ADGRG2: variants seen among roughly 807,000 people sequenced by gnomAD.
ADGRG2 encodes the protein adhesion G protein-coupled receptor G2, also known as G protein-coupled receptor 64.
Under a neutral mutation model 74.1 loss-of-function variants are expected in ADGRG2, and 26 were observed. The ratio of observed to expected loss-of-function variants is 0.35; its 90% CI spans 0.26 to 0.49. The LOEUF (loss-of-function observed/expected upper bound fraction) is 0.49. Among genes scored for constraint, ADGRG2 ranks in the 20% least tolerant of loss-of-function variants. The probability of loss-of-function intolerance (pLI) is 0.99; values close to 1 mark genes in which losing one functional copy is unlikely to be tolerated. For missense variants in ADGRG2, 619 were observed against 763.1 expected, an observed-to-expected ratio of 0.81 and a Z score of 2.22; for synonymous variants, 296 against 295.2, an observed-to-expected ratio of 1.00 and a Z score of -0.03.
At chrX:19,026,641 G>A (rs1030337721) in intron 11 of ADGRG2, among the ~76,000 whole-genome samples, 3 of 110,239 alleles carry the variant, frequency 2.7e-5, no homozygotes, top group Non-Finnish European at 1.9e-5. Flanking sequence ...GATTACAGGC[G>A]CCCACCACCA....
At chrX:19,086,406 G>A (rs1292527715) in intron 1 of ADGRG2, among the ~76,000 whole-genome samples, 1 of 111,467 alleles carries the variant, frequency 9.0e-6, no homozygotes, top group African/African-American at 3.3e-5. Context: ...ATGACATCAG[G>A]GAGGCTGGGA....
At chrX:19,089,928 T>A (rs1205674316) in intron 1 of ADGRG2, among the ~76,000 whole-genome samples, 1 of 112,355 alleles carries the variant, frequency 8.9e-6, no homozygotes, top group Non-Finnish European at 1.9e-5. Flanking sequence ...TGGGCTGTTT[T>A]GTTATGTGGA....
At position 19,101,101 on chromosome X, in the gene ADGRG2, T is replaced by TTGTGTGTGTGTGTG. The variant is rs10579733; in HGVS notation, c.-46-18369_-46-18356dup. Among the ~76,000 whole-genome samples the TTGTGTGTGTGTGTG allele has an allele frequency of 3.8e-4, 34 of 89,846 alleles. 1 individual carries two copies. Among genetic ancestry groups the TTGTGTGTGTGTGTG allele is most frequent in the African/African-American group, 1.4e-3 (33 of 24,428 alleles). 78.0% of individuals were successfully genotyped at this position (89,846 alleles called of 115,157 possible). ...TGTTTCAAATCAACTAATCATGAGA[T>TTGTGTGTGTGTGTG]TGTGTGTGTGTGTGTGTGTGTGTGT... On this transcript the variant is annotated intron_variant, in intron 1 of 28. Transcript: ENST00000379869.
intron 1 of ADGRG2, among the ~76,000 whole-genome samples, chrX:19,114,424 G>A (rs972478815): frequency 2.7e-5 from 3 of 111,570 alleles, no homozygotes; most frequent in African/African-American, 6.5e-5. Context: ...GGTTTATTAA[G>A]GTCAGGAACA....
intron 3 of ADGRG2, 86 bp downstream of exon 3, chrX:19,068,631 C>A: frequency 1.8e-5 from 8 of 441,887 alleles, no homozygotes; most frequent in Non-Finnish European, 2.7e-5. Context: ...GTTATTTTAC[C>A]ACAGTAAAAA....
chrX:19,060,444 C>T (rs1178714709), intron 3 of ADGRG2, among the ~76,000 whole-genome samples: 1 of 110,995 alleles, frequency 9.0e-6, no homozygotes, highest in Non-Finnish European at 1.9e-5. Flanking sequence ...GTTCTCGGTT[C>T]TGCTAGCATC....
chrX:19,019,649 A>G lies in ADGRG2; in HGVS notation c.660T>C (p.Ser220=). The G allele has an allele frequency of 8.6e-7, 1 of 1,168,208 alleles. No individual in the cohort carries two copies. The highest frequency in any genetic ancestry group is 1.2e-6 in the Non-Finnish European group (1 of 856,979). ...KIRPMEHCCC[S]VRIPCPSSPE... ...GGGAGGAAGGGCAGGGTATCCTGAC[A>G]GAACAGCAGCAGTGTTCTAGGAGAG... Residue 220 remains serine, a synonymous_variant, in exon 15 of 29, where the codon TCT becomes TCC. Coordinates refer to ENST00000379869, the MANE Select transcript of ADGRG2 (RefSeq NM_001079858.3).
chrX:19,010,633 C>T lies in ADGRG2; in HGVS notation c.1245G>A (p.Met415Ile), dbSNP rs148040575. ...VSRLLHSPPDMLAPLAQRLLK... is the reference protein window; with the variant it reads ...VSRLLHSPPDILAPLAQRLLK... ...CGTACCTTTGAGCCAGAGGGGCCAG[C>T]ATGTCAGGCGGGGAATGAAGGAGTC... Residue 415 changes from methionine to isoleucine, a missense_variant, in exon 17 of 29, where the codon ATG (methionine) becomes ATA (isoleucine). Transcript: ENST00000379869. 1.6e-4 allele frequency: 192 copies of T among 1,205,589 alleles called. No individual in the cohort carries two copies. In the African/African-American group the frequency reaches 3.1e-3, roughly 20 times the overall value.
intron 1 of ADGRG2, among the ~76,000 whole-genome samples, chrX:19,101,682 T>C (rs1429190450): frequency 1.9e-5 from 2 of 108,044 alleles, no homozygotes; most frequent in South Asian, 4.1e-4. Context: ...GCCTGGGCCA[T>C]AGAGTGAGAC....
chrX:19,060,106 T>C (rs1320801076), intron 3 of ADGRG2, among the ~76,000 whole-genome samples: 1 of 111,767 alleles, frequency 8.9e-6, no homozygotes, highest in East Asian at 2.8e-4. Flanking sequence ...CACTCCAGCC[T>C]GGACAACACA....
chrX:19,015,490 C>CCTT (rs2060448920), intron 15 of ADGRG2, among the ~76,000 whole-genome samples: 1 of 112,652 alleles, frequency 8.9e-6, no homozygotes, highest in African/African-American at 3.2e-5. Flanking sequence ...GAGACCGAAG[C>CCTT]AGTGGATCAC....
chrX:19,067,575 T>C (rs1044359947), intron 3 of ADGRG2, among the ~76,000 whole-genome samples: 2 of 112,059 alleles, frequency 1.8e-5, no homozygotes, highest in African/African-American at 6.5e-5. Context: ...CTTCATGATA[T>C]TGGATTTGGC....
At chrX:19,059,783 C>A (rs2061460222) in intron 3 of ADGRG2, among the ~76,000 whole-genome samples, 1 of 108,373 alleles carries the variant, frequency 9.2e-6, no homozygotes, top group Non-Finnish European at 1.9e-5. Flanking sequence ...AGTACCAGTA[C>A]TATGTAGTAG....
intron 3 of ADGRG2, among the ~76,000 whole-genome samples, chrX:19,052,047 T>C (rs1246805267): frequency 8.9e-6 from 1 of 112,182 alleles, no homozygotes; most frequent in Non-Finnish European, 1.9e-5. Flanking sequence ...TATCTTATAT[T>C]GAATACCCAC....
Position 18,999,207 on chromosome X carries a change from G to A in ADGRG2, c.2403C>T (p.Asn801=), listed in dbSNP as rs754625683. Residue 801 remains asparagine, a synonymous_variant, in exon 26 of 29, where the codon AAC becomes AAT. Transcript: ENST00000379869. ...VGYFCVIFLL[N]VSMFIVVLVQ... ...CCAGGACCACAATGAACATGCTGAC[G>A]TTCAGCAAAAATATCACACAGAAAT... 9 of 1,204,910 alleles carry A rather than the reference G, an allele frequency of 7.5e-6. No homozygotes were observed. The highest frequency in any genetic ancestry group is 1.8e-5 in the South Asian group (1 of 56,708).
chrX:19,017,771 A>G (rs2060497837), intron 15 of ADGRG2, among the ~76,000 whole-genome samples: 1 of 112,168 alleles, frequency 8.9e-6, no homozygotes, highest in South Asian at 3.7e-4. Context: ...GAGAAGCTAC[A>G]CAGATTTTTT....
intron 2 of ADGRG2, among the ~76,000 whole-genome samples, chrX:19,077,826 G>A (rs945181221): frequency 1.8e-5 from 2 of 112,223 alleles, no homozygotes; most frequent in Non-Finnish European, 3.8e-5. Flanking sequence ...CTGAATTGAA[G>A]ACTGAAGAAA....
At chrX:19,041,112 G>A (rs192566906) in intron 3 of ADGRG2, among the ~76,000 whole-genome samples, 100 of 111,164 alleles carry the variant, frequency 9.0e-4, no homozygotes, top group African/African-American at 3.1e-3. Context: ...TATCATGAAC[G>A]TCATTCTATA....
chrX:19,023,863 G>C (rs1265026527), intron 12 of ADGRG2, 46 bp downstream of exon 12: 1 of 916,902 alleles, frequency 1.1e-6, no homozygotes, highest in Admixed American at 2.2e-5. Flanking sequence ...TTTCCCCCAG[G>C]TCATAACAAT....
Sources: allele counts gnomAD v4.1 joint callset (sites outside exome capture counted in the v4.1 genomes callset), GRCh38; gene constraint gnomAD v4.1.1; transcripts MANE v1.5; gene names NCBI Gene and HGNC (gene_info 2026-07-23, HGNC 2026-07-21).